SLC2A9: variants seen among roughly 807,000 people sequenced by gnomAD.
SLC2A9 encodes the protein solute carrier family 2 member 9, also known as solute carrier family 2, facilitated glucose transporter member 9.
SLC2A9 carries 39 observed loss-of-function variants against 50.6 expected under a neutral mutation model. That is an observed-to-expected ratio of 0.77 (90% CI 0.60 to 1.01). The LOEUF is 1.01. Among genes scored for constraint, SLC2A9 ranks in the 50% least tolerant of loss-of-function variants. The pLI, the probability that SLC2A9 is intolerant of heterozygous loss-of-function variation, is 0.00. For synonymous variants in SLC2A9, 324 were observed against 276.9 expected (o/e 1.17, Z -1.69); for missense variants, 686 against 677.6 (o/e 1.01, Z -0.14).
At chr4:9,919,877 C>A (rs1217919276) in intron 7 of SLC2A9, among the ~76,000 whole-genome samples, 3 of 152,190 alleles carry the variant, frequency 2.0e-5, no homozygotes, top group Non-Finnish European at 4.4e-5. Context: ...CTGCTGTGAA[C>A]ATCCAAGCAT....
intron 10 of SLC2A9, among the ~76,000 whole-genome samples, chr4:9,862,876 G>A (rs1265685836): frequency 1.3e-5 from 2 of 151,948 alleles, no homozygotes; most frequent in African/African-American, 4.9e-5. Flanking sequence ...ATTCGCTGGG[G>A]TATCTCCTGT....
chr4:10,006,390 T>G (rs1450518998), intron 2 of SLC2A9: 3 of 152,248 alleles, frequency 2.0e-5, no homozygotes, highest in African/African-American at 7.2e-5. Context: ...ACTTGGTAGC[T>G]GGGCCAGAGT....
At chr4:9,783,103 C>T in intron 3 of SLC2A9, 1 of 1,614,240 alleles carries the variant, frequency 6.2e-7, no homozygotes, top group Non-Finnish European at 8.5e-7. Flanking sequence ...ACCCCGTCAT[C>T]TATGCCTTCA....
At chr4:9,819,849 G>A (rs573765500) in intron 3 of SLC2A9, among the ~76,000 whole-genome samples, 25 of 152,290 alleles carry the variant, frequency 1.6e-4, no homozygotes, top group African/African-American at 5.3e-4. Context: ...CAGGAGAATC[G>A]CTTGAACCCG....
chr4:9,845,096 C>T (rs1728738843), intron 10 of SLC2A9, among the ~76,000 whole-genome samples: 1 of 152,024 alleles, frequency 6.6e-6, no homozygotes, highest in Non-Finnish European at 1.5e-5. Context: ...TCACTGCAAG[C>T]TCCACCTCCT....
chr4:9,897,892 C>T (rs1454829268), intron 8 of SLC2A9, among the ~76,000 whole-genome samples: 1 of 152,062 alleles, frequency 6.6e-6, no homozygotes, highest in Non-Finnish European at 1.5e-5. Context: ...GTGAGACATT[C>T]CACCTCAGAA....
At chr4:10,033,631 A>T (rs1222939739) in intron 1 of SLC2A9, among the ~76,000 whole-genome samples, 1 of 152,230 alleles carries the variant, frequency 6.6e-6, no homozygotes, top group East Asian at 1.9e-4. Flanking sequence ...TCTAAGGGGC[A>T]GACTTCCGTG....
At chr4:9,880,843 T>A (rs746868653) in intron 10 of SLC2A9, among the ~76,000 whole-genome samples, 3 of 152,210 alleles carry the variant, frequency 2.0e-5, no homozygotes, top group Non-Finnish European at 2.9e-5. Context: ...CTGTCCCAGA[T>A]AACTGCCCTG....
At chr4:10,015,214 C>T (rs925242224) in intron 2 of SLC2A9, among the ~76,000 whole-genome samples, 6 of 152,304 alleles carry the variant, frequency 3.9e-5, no homozygotes, top group Non-Finnish European at 8.8e-5. Context: ...GCTGTGGCTC[C>T]TCCCATCTCC....
At chr4:9,785,829 A>G (rs1409490377) in intron 3 of SLC2A9, among the ~76,000 whole-genome samples, 1 of 152,212 alleles carries the variant, frequency 6.6e-6, no homozygotes, top group African/African-American at 2.4e-5. Context: ...ACTGTGCTGT[A>G]CTGACCAGGA....
intron 5 of SLC2A9, among the ~76,000 whole-genome samples, chr4:9,956,964 C>G (rs1751416247): frequency 6.6e-6 from 1 of 152,012 alleles, no homozygotes; most frequent in Non-Finnish European, 1.5e-5. Context: ...GCACTCGGAG[C>G]CTCTGTGGGG....
intron 8 of SLC2A9, among the ~76,000 whole-genome samples, chr4:9,893,141 A>C (rs1737840386): frequency 6.6e-6 from 1 of 152,110 alleles, no homozygotes; most frequent in African/African-American, 2.4e-5. Flanking sequence ...AGTCAATGCC[A>C]CCACTTGGTA....
chr4:9,859,950 C>T (rs1045658075), intron 10 of SLC2A9, among the ~76,000 whole-genome samples: 5 of 152,190 alleles, frequency 3.3e-5, no homozygotes, highest in African/African-American at 4.8e-5. Flanking sequence ...CTGCACTCAG[C>T]CCCCAGCTCC....
chr4:9,942,007 G>T lies in SLC2A9; in HGVS notation c.720C>A (p.Val240=). ...TWPYLFGVIV[V]PAVVQLLSLP... Reference sequence around the variant, plus strand: ...GGCTCAGCAGCTGGACAACGGCAGGGACCACAATCACTCCAAACAGGTATG... The same window carrying T: ...GGCTCAGCAGCTGGACAACGGCAGGTACCACAATCACTCCAAACAGGTATG... The change falls in exon 6 of 12, where the codon GTC becomes GTA. Residue 240 remains valine, a synonymous_variant. Coordinates refer to ENST00000264784, the MANE Select transcript of SLC2A9 (RefSeq NM_020041.3). 1 of 1,614,152 alleles carries T rather than the reference G, an allele frequency of 6.2e-7. No homozygotes were observed. Among genetic ancestry groups the T allele is most frequent in the Non-Finnish European group, 8.5e-7 (1 of 1,180,006 alleles).
rs772429581 is a variant in SLC2A9 at position 9,996,836 on chromosome 4, T to TG, written c.354dup (p.Ile119HisfsTer27). On this transcript the variant is annotated frameshift_variant, in exon 3 of 12. Coordinates refer to ENST00000264784, the MANE Select transcript of SLC2A9 (RefSeq NM_020041.3). LOFTEE classifies it high-confidence loss of function. ...ATTAACGTCCCCACAAGTCCACCGA[T>TG]GGCGAATATGGACACAGTCACAGAC... is the stretch of plus-strand genomic sequence containing the variant. The TG allele has an allele frequency of 2.2e-5, 36 of 1,614,092 alleles. No individual in the cohort carries two copies. The highest frequency in any genetic ancestry group is 3.1e-5 in the Non-Finnish European group (36 of 1,180,036).
chr4:9,917,389 G>C (rs1003959786), intron 7 of SLC2A9, among the ~76,000 whole-genome samples: 1 of 126,490 alleles, frequency 7.9e-6, no homozygotes, highest in African/African-American at 3.0e-5. Context: ...CTGGGGTGTA[G>C]TGGTGCGATC....
chr4:9,783,362 C>T, intron 3 of SLC2A9: 1 of 1,614,208 alleles, frequency 6.2e-7, no homozygotes, highest in Non-Finnish European at 8.5e-7. Context: ...TCAGACGTCC[C>T]CAGATGGTGA....
chr4:9,865,335 C>T (rs1732277683), intron 10 of SLC2A9, among the ~76,000 whole-genome samples: 1 of 152,316 alleles, frequency 6.6e-6, no homozygotes, highest in South Asian at 2.1e-4. Context: ...GTGCTGAAGT[C>T]GAGAGACCCT....
intron 2 of SLC2A9, among the ~76,000 whole-genome samples, chr4:9,998,716 G>C (rs1019373181): frequency 6.6e-6 from 1 of 152,138 alleles, no homozygotes; most frequent in Admixed American, 6.5e-5. Context: ...TGGCAGCATT[G>C]CACATAATAA....
Sources: allele counts gnomAD v4.1 joint callset (sites outside exome capture counted in the v4.1 genomes callset), GRCh38; gene constraint gnomAD v4.1.1; transcripts MANE v1.5; gene names NCBI Gene and HGNC (gene_info 2026-07-23, HGNC 2026-07-21).